The following LRP1 variants were observed in gnomAD, a reference collection of about 807,000 sequenced individuals.
LRP1 encodes the protein LDL receptor related protein 1, also known as prolow-density lipoprotein receptor-related protein 1.
In LRP1, 51 loss-of-function variants were observed where a neutral mutation model predicts 541.5. The observed-to-expected ratio is 0.09, with a 90% CI of 0.08 to 0.12. The LOEUF is 0.12. Among genes scored for constraint, LRP1 ranks in the 10% least tolerant of loss-of-function variants. The pLI is 1.00. For synonymous variants in LRP1, 2,219 were observed against 2,470.8 expected (o/e 0.90, Z 3.02); for missense variants, 3,878 against 6,376.2 (o/e 0.61, Z 13.34).
chr12:57,156,695 G>C lies in LRP1; in HGVS notation c.1418-82G>C. 7.0e-7 allele frequency: 1 copy of C among 1,420,478 alleles called. No homozygotes were observed. Among genetic ancestry groups the C allele is most frequent in the Non-Finnish European group, 9.6e-7 (1 of 1,044,206 alleles). 88.0% of individuals were successfully genotyped at this position (1,420,478 alleles called of 1,614,324 possible). On this transcript the variant is annotated intron_variant, in intron 9 of 88. Transcript: ENST00000243077. The surrounding 1 kb of genome is among the most constrained non-coding windows in gnomAD (Gnocchi z 5.2). ...AGCACAAAGACCACAGCAGCAGGGG[G>C]TGTGGTCAGATTCAGGAAGCCTTCT...
intron 2 of LRP1, among the ~76,000 whole-genome samples, chr12:57,140,856 C>T (rs551397368): frequency 3.3e-5 from 5 of 152,256 alleles, no homozygotes; most frequent in African/African-American, 1.2e-4. Flanking sequence ...CCTCAGCCTC[C>T]CGAGTAGCTG....
intron 34 of LRP1, among the ~76,000 whole-genome samples, chr12:57,182,953 G>A (rs766838465): frequency 2.6e-5 from 4 of 152,358 alleles, no homozygotes; most frequent in South Asian, 2.1e-4. Flanking sequence ...AGACCAGACA[G>A]AGGGAGGACA....
Position 57,175,459 on chromosome 12 carries a change from G to C in LRP1, c.3548-1G>C. The C allele has an allele frequency of 6.2e-7, 1 of 1,612,886 alleles. No homozygotes were observed. ...CTGTTCCATGCCTGCCCCTCCCCTA[G>C]ACCAGTGCTCTCTGAATAACGGTGG... On this transcript the variant is annotated splice_acceptor_variant, in intron 22 of 88. Transcript: ENST00000243077. LOFTEE classifies it high-confidence loss of function.
rs201043548 is a variant in LRP1 at position 57,156,281 on chromosome 12, G to A, written c.1415G>A (p.Arg472Gln). 112 of 1,613,830 alleles carry A rather than the reference G, an allele frequency of 6.9e-5. No individual in the cohort carries two copies. The highest frequency in any genetic ancestry group is 4.5e-4 in the Admixed American group (27 of 59,984). Residue 472 changes from arginine (R) to glutamine (Q), a missense_variant and splice_region_variant, in exon 9 of 89, where the codon CGA becomes CAA. By Grantham distance (43) the Arg-to-Gln change is conservative. This residue lies in a region of LRP1 where 496 missense variants were observed against 861.0 expected (regional missense o/e 0.58). Transcript: ENST00000243077. This position sits in a 1 kb window ranked among gnomAD's most constrained non-coding sequence, Gnocchi z 5.2. ...LHIYHQRRQP[R>Q]VRSHACENDQ... Reference sequence around the variant, plus strand: ...ATCTACCACCAGAGGCGTCAGCCCCGAGGTGAGCAGGGCTCCATGGCCCCT... The same window carrying A: ...ATCTACCACCAGAGGCGTCAGCCCCAAGGTGAGCAGGGCTCCATGGCCCCT...
rs1391102716 is a variant in LRP1 at position 57,162,359 on chromosome 12, T to G, written c.2245T>G (p.Cys749Gly). The change falls in exon 14 of 89, where the codon TGT (cysteine) becomes GGT (glycine). Residue 749 changes from cysteine (C) to glycine (G), a missense_variant. Transcript: ENST00000243077. This position sits in a 1 kb window ranked among gnomAD's most constrained non-coding sequence, Gnocchi z 5.2. ...GPELNHAFGL[C>G]HHGNYLFWTE... The stretch of plus-strand genomic sequence containing the variant: ...TGAGCTGAACCACGCCTTTGGCCTG[T>G]GTCACCATGGCAACTACCTCTTCTG... 6.2e-7 allele frequency: 1 copy of G among 1,614,104 alleles called. No individual in the cohort carries two copies. Among genetic ancestry groups the G allele is most frequent in the Non-Finnish European group, 8.5e-7 (1 of 1,180,048 alleles).
Position 57,195,757 on chromosome 12 carries a change from G to T in LRP1, c.8537G>T (p.Gly2846Val), listed in dbSNP as rs2036518108. The part of the protein sequence containing the change: ...VCDHDRDCAD[G>V]SDESPECEYP... ...GACCACGACCGTGACTGTGCAGATGGCTCTGATGAGTCCCCCGAGTGTGGT... is the reference window on the plus strand; with the variant it reads ...GACCACGACCGTGACTGTGCAGATGTCTCTGATGAGTCCCCCGAGTGTGGT... Residue 2846 changes from glycine to valine, a missense_variant, in exon 53 of 89, where the codon GGC becomes GTC. This residue lies in a region of LRP1 where 1,100 missense variants were observed against 1,827.4 expected (regional missense o/e 0.60). Transcript: ENST00000243077. 6.2e-7 allele frequency: 1 copy of T among 1,614,204 alleles called. No individual in the cohort carries two copies.
rs748569464 is a variant in LRP1, at chr12:57,195,261, C to A, written c.8309-10C>A. On this transcript the variant is annotated splice_polypyrimidine_tract_variant and intron_variant, in intron 51 of 88. Coordinates refer to ENST00000243077, the MANE Select transcript of LRP1 (RefSeq NM_002332.3). ...CCTAAGTCTCTCAGTGGCCCTCTCTCCCCCTACAGAAGGCAAGACGTGCGG... is the reference window on the plus strand; with the variant it reads ...CCTAAGTCTCTCAGTGGCCCTCTCTACCCCTACAGAAGGCAAGACGTGCGG... 2.2e-5 allele frequency: 35 copies of A among 1,612,922 alleles called. 1 individual carries two copies. In the South Asian group the frequency reaches 3.8e-4, roughly 18 times the overall value.
intron 3 of LRP1, 44 bp downstream of exon 3, chr12:57,141,555 T>C (rs1435610251): frequency 1.2e-6 from 2 of 1,612,644 alleles, no homozygotes. Context: ...GGATGCAGCA[T>C]ATTATCAGCC....
rs79052591 is a variant in LRP1, at chr12:57,149,473, C to T, written c.841+3983C>T. On this transcript the variant is annotated intron_variant, in intron 6 of 88. Coordinates refer to ENST00000243077, the MANE Select transcript of LRP1 (RefSeq NM_002332.3). ...TCCACCCAGACTGCTCCCAGCACTC[C>T]CCTTGCTGTTTTCAAGCCAAAGGAA... 1,737 of 606,054 alleles carry T rather than the reference C, an allele frequency of 2.9e-3. 17 individuals carry two copies. The highest frequency in any genetic ancestry group is 0.028 in the African/African-American group (1,526 of 54,150). 37.5% of individuals were successfully genotyped at this position (606,054 alleles called of 1,614,324 possible).
At chr12:57,166,742 A>G (rs576861539) in intron 17 of LRP1, among the ~76,000 whole-genome samples, 188 bp from the exon 18 acceptor site, 117 of 151,090 alleles carry the variant, frequency 7.7e-4, no homozygotes, top group African/African-American at 2.8e-3. Context: ...CTGGGAGGAT[A>G]CCAGAGACCC....
Position 57,206,835 on chromosome 12 carries a change from A to G in LRP1, c.11859+94A>G. ...GAAAAGGGCAGTGCTGGCTAGGCGC[A>G]GTGGCTCACGCCTATAATCCCAGCA... On this transcript the variant is annotated intron_variant, in intron 76 of 88. Transcript: ENST00000243077. The surrounding 1 kb of genome is among the most constrained non-coding windows in gnomAD (Gnocchi z 4.7). 2 of 1,408,140 alleles carry G rather than the reference A, an allele frequency of 1.4e-6. No homozygotes were observed. The highest frequency in any genetic ancestry group is 1.9e-6 in the Non-Finnish European group (2 of 1,031,972). 87.2% of individuals were successfully genotyped at this position (1,408,140 alleles called of 1,614,324 possible). A position where few individuals can be genotyped will look rare whatever the true frequency, so the allele number is the denominator to read the frequency against.
intron 79 of LRP1, 48 bp downstream of exon 79, chr12:57,209,247 G>A (rs767057482): frequency 1.3e-6 from 2 of 1,481,872 alleles, no homozygotes; most frequent in African/African-American, 1.4e-5. Context: ...CCCCAGCCTT[G>A]CCATCCTCCC....
At position 57,198,219 on chromosome 12, in the gene LRP1, C is replaced by G; in HGVS notation, c.9346C>G (p.Leu3116Val). Reference protein sequence around the residue: ...GLAVDWVGGNLYWCDKGRDTI... With the variant: ...GLAVDWVGGNVYWCDKGRDTI... ...GGCTGTGGACTGGGTGGGTGGCAAC[C>G]TGTACTGGTGCGACAAAGGCCGGGA... is the stretch of plus-strand genomic sequence containing the variant. The change falls in exon 59 of 89, where the codon CTG (leucine) becomes GTG (valine). Residue 3116 changes from leucine to valine, a missense_variant. Transcript: ENST00000243077. 6.2e-7 allele frequency: 1 copy of G among 1,613,504 alleles called. No individual in the cohort carries two copies. The highest frequency in any genetic ancestry group is 8.5e-7 in the Non-Finnish European group (1 of 1,179,886).
chr12:57,128,533 G>A lies in LRP1; in HGVS notation c.-432G>A, dbSNP rs1312403601. The A allele has an allele frequency of 5.2e-6, 2 of 384,776 alleles. No individual in the cohort carries two copies. Among genetic ancestry groups the A allele is most frequent in the Non-Finnish European group, 9.2e-6 (2 of 217,766 alleles). The allele number at this position is 384,776 out of a possible 1,614,324, so 23.8% of individuals were successfully genotyped here. A position where few individuals can be genotyped will look rare whatever the true frequency, so the allele number is the denominator to read the frequency against. On this transcript the variant is annotated 5_prime_UTR_variant, in exon 1 of 89. Transcript: ENST00000243077. Reference sequence around the variant, plus strand: ...GAGCTCCAGGCCCATGCACTGAGGAGGCGGAAACAAGGGGAGCCCCCAGAG... The same window carrying A: ...GAGCTCCAGGCCCATGCACTGAGGAAGCGGAAACAAGGGGAGCCCCCAGAG...
At chr12:57,142,577 C>G in intron 3 of LRP1, among the ~76,000 whole-genome samples, 1 of 152,264 alleles carries the variant, frequency 6.6e-6, no homozygotes, top group Non-Finnish European at 1.5e-5. Context: ...CCCTTCCTCT[C>G]GTGTGGTGTG....
chr12:57,197,427 C>T lies in LRP1; in HGVS notation c.9162+43C>T. The stretch of plus-strand genomic sequence containing the variant: ...TCCTCCCCGCTGCCCATCTCCCAGA[C>T]CCAGCACAGCCTCCCTTGCAAGTCT... On this transcript the variant is annotated intron_variant, in intron 57 of 88. Coordinates refer to ENST00000243077, the MANE Select transcript of LRP1 (RefSeq NM_002332.3). This position sits in a 1 kb window ranked among gnomAD's most constrained non-coding sequence, Gnocchi z 4.5. 1 of 1,609,330 alleles carries T rather than the reference C, an allele frequency of 6.2e-7. No individual in the cohort carries two copies. Among genetic ancestry groups the T allele is most frequent in the Non-Finnish European group, 8.5e-7 (1 of 1,176,172 alleles).
In LRP1 at chr12:57,154,098, G is replaced by A. The variant is rs939754102; in HGVS notation, c.842-110G>A. 2.0e-6 allele frequency: 2 copies of A among 976,692 alleles called. No homozygotes were observed. The highest frequency in any genetic ancestry group is 1.6e-5 in the African/African-American group (1 of 62,236). The allele number at this position is 976,692 out of a possible 1,614,324, so 60.5% of individuals were successfully genotyped here. A position where few individuals can be genotyped will look rare whatever the true frequency, so the allele number is the denominator to read the frequency against. ...CTAAGCATGGGGGTGTTGGGTGGGA[G>A]GGCGTCCAGAGAAGGTGGGCTTCCA... On this transcript the variant is annotated intron_variant, in intron 6 of 88. Transcript: ENST00000243077. This position sits in a 1 kb window ranked among gnomAD's most constrained non-coding sequence, Gnocchi z 4.6.
intron 34 of LRP1, 123 bp downstream of exon 34, chr12:57,181,414 C>A: frequency 8.0e-7 from 1 of 1,244,778 alleles, no homozygotes; most frequent in Non-Finnish European, 1.1e-6. Context: ...GTAGGGGACA[C>A]TGGACTATGA....
intron 1 of LRP1, among the ~76,000 whole-genome samples, chr12:57,135,173 A>G (rs533224825): frequency 6.6e-6 from 1 of 152,326 alleles, no homozygotes; most frequent in South Asian, 2.1e-4. Flanking sequence ...CGTATTTCCA[A>G]TCAGTGGCTG....
Sources: allele counts gnomAD v4.1 joint callset (sites outside exome capture counted in the v4.1 genomes callset), GRCh38; gene constraint gnomAD v4.1.1; regional missense constraint gnomAD v4.1.1; non-coding constraint Gnocchi (gnomAD v3.1); transcripts MANE v1.5; gene names NCBI Gene and HGNC (gene_info 2026-07-23, HGNC 2026-07-21).